Variants in KCNG3 observed in about 807,000 individuals in gnomAD.
KCNG3 encodes the protein potassium voltage-gated channel modifier subfamily G member 3, also known as voltage-gated potassium channel regulatory subunit KCNG3.
Under a neutral mutation model 29.0 loss-of-function variants are expected in KCNG3, and 15 were observed. The observed-to-expected ratio is 0.52, with a 90% CI of 0.35 to 0.80. KCNG3 has a LOEUF of 0.80. Ranked by LOEUF, KCNG3 falls within the 30% of genes least tolerant of loss-of-function variation. The pLI, the probability that KCNG3 is intolerant of heterozygous loss-of-function variation, is 0.01. For missense variants in KCNG3, 512 were observed against 605.7 expected (o/e 0.85, Z 1.62); for synonymous variants, 322 against 248.9 (o/e 1.29, Z -2.76).
At chr2:42,439,871 G>A (rs1300879561), downstream of KCNG3, among the ~76,000 whole-genome samples, 1 of 151,810 alleles carries the variant, frequency 6.6e-6, no homozygotes, top group African/African-American at 2.4e-5. Flanking sequence ...TCGAACTCCT[G>A]ATTTCAGGTG....
the KCNG3 span, among the ~76,000 whole-genome samples, chr2:42,417,758 G>A: frequency 6.6e-6 from 1 of 152,056 alleles, no homozygotes; most frequent in Non-Finnish European, 1.5e-5. Context: ...AGATCATGAG[G>A]TCAGGAGTTT....
At chr2:42,468,353 C>T (rs1340006538) in intron 1 of KCNG3, among the ~76,000 whole-genome samples, 1 of 152,052 alleles carries the variant, frequency 6.6e-6, no homozygotes. Context: ...ATAAACTCAT[C>T]ATAAAATCAA....
chr2:42,487,299 A>T, intron 1 of KCNG3, among the ~76,000 whole-genome samples: 1 of 150,336 alleles, frequency 6.7e-6, no homozygotes, highest in Admixed American at 6.6e-5. Flanking sequence ...AAAACAAAGT[A>T]TTTGCAACTA....
the KCNG3 span, among the ~76,000 whole-genome samples, chr2:42,408,890 TC>T: frequency 6.6e-6 from 1 of 152,162 alleles, no homozygotes; most frequent in Non-Finnish European, 1.5e-5. Context: ...GGGCTGTGAT[TC>T]CCTCTTTGGG....
At chr2:42,485,783 T>C (rs1011836326) in intron 1 of KCNG3, among the ~76,000 whole-genome samples, 9 of 152,284 alleles carry the variant, frequency 5.9e-5, no homozygotes, top group African/African-American at 2.2e-4. Flanking sequence ...CTTGTCTATA[T>C]GTTAAAATGA....
the KCNG3 span, among the ~76,000 whole-genome samples, chr2:42,406,224 A>G: frequency 7.5e-5 from 11 of 145,776 alleles, no homozygotes; most frequent in African/African-American, 2.8e-4. Context: ...TAACACATTA[A>G]TTTTTTTTTT....
chr2:42,451,673 C>G lies in KCNG3; in HGVS notation c.666-7094G>C, dbSNP rs146147613. Among the ~76,000 whole-genome samples, 643 of 152,236 alleles carry G rather than the reference C, an allele frequency of 4.2e-3. 3 individuals are homozygous for G. Among genetic ancestry groups the G allele is most frequent in the African/African-American group, 0.014 (575 of 41,516 alleles). On this transcript the variant is annotated intron_variant, in intron 1 of 1. Transcript: ENST00000306078. The stretch of plus-strand genomic sequence containing the variant: ...CCCAGGAGGTGGAGGTTGTAGTGAG[C>G]TGAGATCGTGCCACTGCACTCCAAC...
At chr2:42,488,635 C>T (rs755293867) in intron 1 of KCNG3, among the ~76,000 whole-genome samples, 11 of 151,792 alleles carry the variant, frequency 7.2e-5, no homozygotes, top group African/African-American at 1.7e-4. Flanking sequence ...CTGCAACCTC[C>T]GCCTCCCAGG....
At chr2:42,457,670 A>ACAC (rs1572847566) in intron 1 of KCNG3, among the ~76,000 whole-genome samples, 2 of 32,432 alleles carry the variant, frequency 6.2e-5, no homozygotes, top group South Asian at 2.2e-3. Context: ...CACACACACA[A>ACAC]GGCTGGGCGC....
At chr2:42,402,631 A>T in the KCNG3 span, among the ~76,000 whole-genome samples, 1 of 152,164 alleles carries the variant, frequency 6.6e-6, no homozygotes, top group African/African-American at 2.4e-5. Flanking sequence ...TAGAAAGTCA[A>T]TTTTCCTATT....
chr2:42,399,958 A>C, the KCNG3 span, among the ~76,000 whole-genome samples: 1 of 152,138 alleles, frequency 6.6e-6, no homozygotes, highest in Non-Finnish European at 1.5e-5. Context: ...TCTATGGACA[A>C]CATGTGAGCA....
intron 1 of KCNG3, among the ~76,000 whole-genome samples, chr2:42,485,544 A>G (rs887829105): frequency 2.2e-4 from 34 of 152,000 alleles, no homozygotes; most frequent in African/African-American, 7.7e-4. Context: ...TCCTGGGTTC[A>G]CGCCATTCTC....
chr2:42,449,918 T>C (rs937536963), intron 1 of KCNG3, among the ~76,000 whole-genome samples: 23 of 152,304 alleles, frequency 1.5e-4, no homozygotes, highest in African/African-American at 5.1e-4. Flanking sequence ...TAACATACTC[T>C]GTCTCTTATC....
At chr2:42,477,422 C>CACATAT (rs11280811) in intron 1 of KCNG3, among the ~76,000 whole-genome samples, 1 of 40,786 alleles carries the variant, frequency 2.5e-5, no homozygotes, top group African/African-American at 6.6e-5. Flanking sequence ...CACACACACA[C>CACATAT]ATATATTTTT....
intron 1 of KCNG3, among the ~76,000 whole-genome samples, chr2:42,455,721 A>G (rs1672860193): frequency 6.6e-6 from 1 of 152,050 alleles, no homozygotes; most frequent in Non-Finnish European, 1.5e-5. Context: ...GTGAACTATG[A>G]CTGCTCCATT....
chr2:42,454,824 A>G (rs749842384), intron 1 of KCNG3, among the ~76,000 whole-genome samples: 51 of 152,234 alleles, frequency 3.4e-4, no homozygotes, highest in Non-Finnish European at 3.7e-4. Flanking sequence ...TTCCACTTAC[A>G]TGAGGTATCT....
At chr2:42,423,219 C>T in the KCNG3 span, among the ~76,000 whole-genome samples, 5 of 152,226 alleles carry the variant, frequency 3.3e-5, no homozygotes, top group South Asian at 2.1e-4. Context: ...ATTATTGCTA[C>T]GGAAACCACT....
At chr2:42,482,037 TG>T (rs1289498156) in intron 1 of KCNG3, among the ~76,000 whole-genome samples, 12 of 152,212 alleles carry the variant, frequency 7.9e-5, no homozygotes, top group Non-Finnish European at 1.8e-4. Flanking sequence ...TTGCCCAGGC[TG>T]GCTTCAAACT....
chr2:42,446,685 A>G (rs1275055389), intron 1 of KCNG3, among the ~76,000 whole-genome samples: 2 of 152,168 alleles, frequency 1.3e-5, no homozygotes, highest in African/African-American at 4.8e-5. Flanking sequence ...CACAAGTGGT[A>G]CTTGATGTTA....
Sources: allele counts gnomAD v4.1 joint callset (sites outside exome capture counted in the v4.1 genomes callset), GRCh38; gene constraint gnomAD v4.1.1; transcripts MANE v1.5; gene names NCBI Gene and HGNC (gene_info 2026-07-23, HGNC 2026-07-21).